Variants in NRXN1 observed in about 807,000 individuals in gnomAD.
NRXN1 encodes neurexin 1.
A neutral mutation model predicts 150.9 loss-of-function variants in NRXN1; 39 were observed. The observed-to-expected ratio is 0.26, with a 90% CI of 0.20 to 0.34. NRXN1 has a LOEUF of 0.34. Among genes scored for constraint, NRXN1 ranks in the 10% least tolerant of loss-of-function variants. The pLI is 1.00. For missense variants in NRXN1, 1,815 were observed against 1,949.9 expected, an observed-to-expected ratio of 0.93 and a Z score of 1.30; for synonymous variants, 924 against 757.0, an observed-to-expected ratio of 1.22 and a Z score of -3.62.
chr2:50,460,274 A>G (rs567577736), intron 17 of NRXN1, among the ~76,000 whole-genome samples: 1 of 152,214 alleles, frequency 6.6e-6, no homozygotes, highest in African/African-American at 2.4e-5. Context: ...AAATTAGAGC[A>G]TACTAGCAGG....
At chr2:50,898,342 T>A (rs1682347873) in intron 5 of NRXN1, among the ~76,000 whole-genome samples, 1 of 152,296 alleles carries the variant, frequency 6.6e-6, no homozygotes, top group African/African-American at 2.4e-5. Context: ...AACTGCAGTT[T>A]TATTTTTTAA....
chr2:50,798,934 A>AT (rs1445377231), intron 5 of NRXN1, among the ~76,000 whole-genome samples: 2 of 152,196 alleles, frequency 1.3e-5, no homozygotes, highest in Admixed American at 6.5e-5. Context: ...AAAAGTTAGC[A>AT]TTTTTATTTC....
chr2:50,636,106 T>G (rs1308519510), intron 5 of NRXN1, among the ~76,000 whole-genome samples: 1 of 152,172 alleles, frequency 6.6e-6, no homozygotes, highest in East Asian at 1.9e-4. Context: ...CTAGGAGCAC[T>G]TGGTTAATTA....
intron 8 of NRXN1, among the ~76,000 whole-genome samples, chr2:50,555,897 C>G (rs1228706485): frequency 2.6e-5 from 4 of 152,110 alleles, no homozygotes. Flanking sequence ...GTATAAATTC[C>G]TTTTAGAACG....
chr2:50,582,793 C>T (rs1036234870), intron 8 of NRXN1, among the ~76,000 whole-genome samples: 1 of 152,126 alleles, frequency 6.6e-6, no homozygotes, highest in Non-Finnish European at 1.5e-5. Flanking sequence ...CCAGTTCCCC[C>T]GCTGAACCAT....
intron 18 of NRXN1, among the ~76,000 whole-genome samples, chr2:50,160,022 G>A (rs2059265992): frequency 6.6e-6 from 1 of 152,076 alleles, no homozygotes. Context: ...TGATATGTGA[G>A]GAAGTATGCA....
At chr2:50,390,990 C>T (rs1161420814) in intron 17 of NRXN1, among the ~76,000 whole-genome samples, 1 of 152,072 alleles carries the variant, frequency 6.6e-6, no homozygotes, top group Non-Finnish European at 1.5e-5. Context: ...CCCTGAAGCA[C>T]AGAGTTGATG....
chr2:50,948,273 C>T (rs559681106), intron 2 of NRXN1, among the ~76,000 whole-genome samples: 3 of 151,948 alleles, frequency 2.0e-5, no homozygotes, highest in Non-Finnish European at 2.9e-5. Flanking sequence ...TATATTATGG[C>T]AAAATTAATA....
intron 15 of NRXN1, among the ~76,000 whole-genome samples, chr2:50,478,891 T>C (rs1168843976): frequency 2.0e-5 from 3 of 152,226 alleles, no homozygotes; most frequent in Admixed American, 6.5e-5. Flanking sequence ...CCAATATTTC[T>C]GACATTTGTT....
At chr2:49,982,354 A>T (rs1680122110) in intron 21 of NRXN1, among the ~76,000 whole-genome samples, 1 of 152,144 alleles carries the variant, frequency 6.6e-6, no homozygotes, top group Non-Finnish European at 1.5e-5. Flanking sequence ...TTTATTATTA[A>T]AATGATAAAC....
At chr2:50,995,524 G>A (rs1228245380) in intron 2 of NRXN1, among the ~76,000 whole-genome samples, 1 of 149,952 alleles carries the variant, frequency 6.7e-6, no homozygotes, top group Non-Finnish European at 1.5e-5. Flanking sequence ...AAAATCGCAT[G>A]AACCTGGGAG....
chr2:50,326,116 G>C (rs1034102832), intron 17 of NRXN1, among the ~76,000 whole-genome samples: 1 of 151,780 alleles, frequency 6.6e-6, no homozygotes, highest in African/African-American at 2.4e-5. Context: ...ACACGATTTT[G>C]TTTTTTTCAT....
chr2:50,601,240 G>A (rs1676218584), intron 8 of NRXN1, among the ~76,000 whole-genome samples: 1 of 152,024 alleles, frequency 6.6e-6, no homozygotes. Flanking sequence ...CTACCTACGA[G>A]AAAAATAAAA....
intron 5 of NRXN1, among the ~76,000 whole-genome samples, chr2:50,689,437 A>G (rs561782423): frequency 6.5e-4 from 99 of 152,270 alleles, no homozygotes; most frequent in African/African-American, 2.2e-3. Context: ...AGACAATTTT[A>G]CTCTAAATGC....
At chr2:50,187,660 T>A (rs2678227) in intron 18 of NRXN1, among the ~76,000 whole-genome samples, 2 of 151,828 alleles carry the variant, frequency 1.3e-5, no homozygotes, top group East Asian at 1.9e-4. Flanking sequence ...GGGGATGGCA[T>A]TGAATCTATA....
intron 22 of NRXN1, among the ~76,000 whole-genome samples, chr2:49,934,821 C>T (rs1435714999): frequency 6.6e-6 from 1 of 151,964 alleles, no homozygotes; most frequent in Non-Finnish European, 1.5e-5. Flanking sequence ...TATAAAAAGC[C>T]CAATTTTTTT....
intron 21 of NRXN1, 110 bp downstream of exon 21, chr2:50,053,161 G>T (rs1472136786): frequency 2.8e-6 from 3 of 1,060,848 alleles, no homozygotes; most frequent in Non-Finnish European, 4.4e-6. Flanking sequence ...GGAAGCTGTA[G>T]TGCCTAAGAT....
rs150651898 is a variant in NRXN1 at position 50,557,881 on chromosome 2, A to G, written c.1321-4856T>C. On this transcript the variant is annotated intron_variant, in intron 8 of 22. Transcript: ENST00000401669. The stretch of plus-strand genomic sequence containing the variant: ...GAGACCAGCAGGATCAAAGGTATTC[A>G]GCAGACTGGGGCTTCCTTTTTCATG... 3.9e-5 allele frequency among the ~76,000 whole-genome samples: 6 copies of G among 152,360 alleles called. No homozygotes were observed. In the East Asian group the frequency reaches 1.2e-3, roughly 29 times the overall value.
At chr2:50,667,489 T>C (rs1217614013) in intron 5 of NRXN1, among the ~76,000 whole-genome samples, 4 of 152,110 alleles carry the variant, frequency 2.6e-5, no homozygotes, top group African/African-American at 7.2e-5. Flanking sequence ...CAAGTAATGA[T>C]ATGTTACTGG....
Sources: allele counts gnomAD v4.1 joint callset (sites outside exome capture counted in the v4.1 genomes callset), GRCh38; gene constraint gnomAD v4.1.1; transcripts MANE v1.5; gene names NCBI Gene and HGNC (gene_info 2026-07-23, HGNC 2026-07-21).